The following RAD51B variants were observed in gnomAD, a reference collection of about 807,000 sequenced individuals.
RAD51B encodes DNA repair protein RAD51 homolog 2.
A neutral mutation model predicts 42.2 loss-of-function variants in RAD51B; 38 were observed. The ratio of observed to expected loss-of-function variants is 0.90; its 90% CI spans 0.70 to 1.18. The LOEUF (loss-of-function observed/expected upper bound fraction) is 1.18, where lower values mean the gene tolerates loss of function less well. RAD51B is among the 50% of genes most tolerant of loss of function. The probability of loss-of-function intolerance (pLI) is 0.00; values close to 1 mark genes in which losing one functional copy is unlikely to be tolerated. For synonymous variants in RAD51B, 154 were observed against 145.2 expected, an observed-to-expected ratio of 1.06 and a Z score of -0.43; for missense variants, 373 against 400.7, an observed-to-expected ratio of 0.93 and a Z score of 0.59.
chr14:68,207,714 T>C (rs2079621719), intron 7 of RAD51B, among the ~76,000 whole-genome samples: 1 of 152,028 alleles, frequency 6.6e-6, no homozygotes, highest in Non-Finnish European at 1.5e-5. Context: ...GTCATGGTGG[T>C]CAGGATTAGA....
rs141422554 is a variant in RAD51B at position 68,555,152 on chromosome 14, A to G, written c.1037-39333A>G. ...TGAGCTACCGTGCCCGGCCAAAAAAATATTCTTAAGAAGAACACTAGCACA... is the reference window on the plus strand; with the variant it reads ...TGAGCTACCGTGCCCGGCCAAAAAAGTATTCTTAAGAAGAACACTAGCACA... On this transcript the variant is annotated intron_variant, in intron 10 of 10. Coordinates refer to the RAD51B transcript ENST00000487270. Among the ~76,000 whole-genome samples the G allele has an allele frequency of 5.5e-3, 833 of 152,314 alleles. 6 individuals are homozygous for G. Among genetic ancestry groups the G allele is most frequent in the Non-Finnish European group, 9.1e-3 (617 of 68,032 alleles).
intron 10 of RAD51B, among the ~76,000 whole-genome samples, chr14:68,576,305 A>G (rs559381183): frequency 6.6e-6 from 1 of 152,332 alleles, no homozygotes; most frequent in Admixed American, 6.5e-5. Flanking sequence ...AAGAGAATGA[A>G]CATGAAGGGA....
intron 6 of RAD51B, 109 bp downstream of exon 6, chr14:67,886,097 G>A (rs2043052600): frequency 2.2e-6 from 2 of 917,946 alleles, no homozygotes; most frequent in Admixed American, 2.9e-5. Flanking sequence ...AGAATTATGT[G>A]GAGTAACTTT....
intron 7 of RAD51B, among the ~76,000 whole-genome samples, chr14:68,027,265 C>G (rs1024273768): frequency 1.3e-5 from 2 of 152,008 alleles, no homozygotes; most frequent in Non-Finnish European, 2.9e-5. Context: ...CTCTAGCTGC[C>G]TTTACAATTT....
rs1228423956 is a variant in RAD51B, at chr14:67,865,130, G to A, written c.443G>A (p.Ser148Asn). The A allele has an allele frequency of 2.5e-6, 4 of 1,592,562 alleles. No individual in the cohort carries two copies. Among genetic ancestry groups the A allele is most frequent in the Non-Finnish European group, 8.5e-7 (1 of 1,171,970 alleles). ...VVYIDTESAF[S>N]AERLVEIAES... Reference sequence around the variant, plus strand: ...TACATTGACACAGAGTCTGCATTTAGTGCTGAAAGGTATGAGATTTTATTT... The same window carrying A: ...TACATTGACACAGAGTCTGCATTTAATGCTGAAAGGTATGAGATTTTATTT... Residue 148 changes from serine to asparagine, a missense_variant, in exon 5 of 11, where the codon AGT becomes AAT. Coordinates refer to ENST00000471583, the MANE Select transcript of RAD51B (RefSeq NM_133510.4).
intron 7 of RAD51B, among the ~76,000 whole-genome samples, chr14:68,218,934 C>T (rs1273861207): frequency 4.6e-5 from 7 of 152,138 alleles, no homozygotes; most frequent in African/African-American, 1.2e-4. Flanking sequence ...CAGAATGGTT[C>T]GGTAAAGTAC....
exon 11 of RAD51B, chr14:68,594,734 AT>A: frequency 2.4e-6 from 3 of 1,263,740 alleles, no homozygotes; most frequent in Non-Finnish European, 3.0e-6. Context: ...TCCAATGAGA[AT>A]TTTGTCCTTA....
chr14:68,238,947 C>T (rs1025489444), intron 7 of RAD51B, among the ~76,000 whole-genome samples: 17 of 152,200 alleles, frequency 1.1e-4, no homozygotes, highest in Non-Finnish European at 2.4e-4. Context: ...CTGTGATGTT[C>T]TGTAGCATTC....
At chr14:68,641,658 GTGTTGGA>G (rs1336906911) in intron 10 of RAD51B, among the ~76,000 whole-genome samples, 5 of 151,538 alleles carry the variant, frequency 3.3e-5, no homozygotes, top group African/African-American at 1.2e-4. Context: ...TCATGAATGG[GTGTTGGA>G]TTTTGTCAAA....
At chr14:68,094,623 A>G (rs2077161180) in intron 7 of RAD51B, among the ~76,000 whole-genome samples, 1 of 152,136 alleles carries the variant, frequency 6.6e-6, no homozygotes, top group African/African-American at 2.4e-5. Context: ...AGTAGTGATA[A>G]AGGGGGTAAA....
chr14:68,018,472 A>G (rs1274674160), intron 7 of RAD51B, among the ~76,000 whole-genome samples: 1 of 152,228 alleles, frequency 6.6e-6, no homozygotes, highest in Non-Finnish European at 1.5e-5. Flanking sequence ...AGGTTGTAAT[A>G]TCTGTTACCA....
At chr14:68,407,019 CCTT>C (rs1343269501) in intron 8 of RAD51B, among the ~76,000 whole-genome samples, 1 of 152,092 alleles carries the variant, frequency 6.6e-6, no homozygotes, top group Non-Finnish European at 1.5e-5. Context: ...GATAACAATG[CCTT>C]CTTCTGCAAT....
intron 7 of RAD51B, among the ~76,000 whole-genome samples, chr14:67,903,396 C>T (rs940137061): frequency 3.3e-5 from 5 of 151,996 alleles, no homozygotes; most frequent in Non-Finnish European, 7.4e-5. Context: ...AGTTAAATAA[C>T]TAATATTTTT....
intron 10 of RAD51B, among the ~76,000 whole-genome samples, chr14:68,617,328 T>C (rs541367700): frequency 6.6e-6 from 1 of 152,326 alleles, no homozygotes; most frequent in African/African-American, 2.4e-5. Flanking sequence ...AGTCTTACTA[T>C]CTGCATATGA....
At chr14:68,244,689 C>T (rs989069474) in intron 7 of RAD51B, among the ~76,000 whole-genome samples, 1 of 152,112 alleles carries the variant, frequency 6.6e-6, no homozygotes, top group Non-Finnish European at 1.5e-5. Context: ...TGGAAGGAAT[C>T]GAAACAAAAG....
chr14:68,499,254 C>A (rs1329320500), intron 10 of RAD51B, among the ~76,000 whole-genome samples: 2 of 152,148 alleles, frequency 1.3e-5, no homozygotes, highest in African/African-American at 4.8e-5. Context: ...AGACTTGAGT[C>A]CCCCATTGGA....
intron 7 of RAD51B, among the ~76,000 whole-genome samples, chr14:68,108,804 T>A (rs2440607): frequency 6.6e-6 from 1 of 151,968 alleles, no homozygotes; most frequent in Non-Finnish European, 1.5e-5. Flanking sequence ...ACGTATATAT[T>A]TTTTAAACCT....
chr14:68,061,460 C>A (rs531511263), intron 7 of RAD51B, among the ~76,000 whole-genome samples: 1 of 152,260 alleles, frequency 6.6e-6, no homozygotes, highest in South Asian at 2.1e-4. Flanking sequence ...GGGGATCACA[C>A]TGAATCTGTA....
At position 68,489,495 on chromosome 14, in the gene RAD51B, A is replaced by G. The variant is rs887683358; in HGVS notation, c.1036+21245A>G. Among the ~76,000 whole-genome samples the G allele has an allele frequency of 1.9e-4, 29 of 152,272 alleles. 1 individual carries two copies. The highest frequency in any genetic ancestry group is 6.8e-4 in the African/African-American group (28 of 41,480). ...CTGTGAGCTGGTATTATTAGCTAGT[A>G]TCATGAAATCTCTTGGTTTCCAATA... On this transcript the variant is annotated intron_variant, in intron 10 of 10. Coordinates refer to the RAD51B transcript ENST00000487270.
Sources: gnomAD v4.1 joint callset for allele counts (sites outside exome capture counted in the v4.1 genomes callset) on GRCh38, gnomAD v4.1.1 for gene constraint, MANE v1.5 for transcripts, NCBI Gene and HGNC (gene_info 2026-07-23, HGNC 2026-07-21) for gene names.